The following DCDC2 variants were observed in gnomAD, a reference collection of about 807,000 sequenced individuals.
DCDC2 encodes doublecortin domain-containing protein 2.
Under a neutral mutation model 50.2 loss-of-function variants are expected in DCDC2, and 40 were observed. The observed-to-expected ratio is 0.80, with a 90% CI of 0.62 to 1.04. The LOEUF (loss-of-function observed/expected upper bound fraction) is 1.04, where lower values mean the gene tolerates loss of function less well. Among genes scored for constraint, DCDC2 ranks in the 50% least tolerant of loss-of-function variants. The pLI is 0.00. For synonymous variants in DCDC2, 234 were observed against 210.6 expected, an observed-to-expected ratio of 1.11 and a Z score of -0.96; for missense variants, 570 against 581.9, an observed-to-expected ratio of 0.98 and a Z score of 0.21.
intron 8 of DCDC2, among the ~76,000 whole-genome samples, chr6:24,195,969 A>G (rs1003982952): frequency 6.6e-6 from 1 of 152,174 alleles, no homozygotes; most frequent in African/African-American, 2.4e-5. Context: ...AACTTGGCCA[A>G]TTTGCACAAG....
At chr6:24,325,828 G>T (rs1479443701) in intron 2 of DCDC2, among the ~76,000 whole-genome samples, 1 of 148,952 alleles carries the variant, frequency 6.7e-6, no homozygotes, top group African/African-American at 2.4e-5. Flanking sequence ...AATGAGAAAT[G>T]AGTCACATTT....
At chr6:24,366,849 CT>C in the DCDC2 span, among the ~76,000 whole-genome samples, 33 of 52,756 alleles carry the variant, frequency 6.3e-4, no homozygotes, top group Admixed American at 1.4e-3. Flanking sequence ...AAATCTAAAT[CT>C]TTTTTTTTTT....
At chr6:24,292,295 TTC>T (rs373598768) in intron 4 of DCDC2, among the ~76,000 whole-genome samples, 153 of 152,240 alleles carry the variant, frequency 1.0e-3, no homozygotes, top group African/African-American at 3.4e-3. Flanking sequence ...TCAAAAAGCT[TTC>T]TGTCTTCCTA....
chr6:24,346,687 G>A (rs1334857700), intron 2 of DCDC2, among the ~76,000 whole-genome samples: 1 of 151,380 alleles, frequency 6.6e-6, no homozygotes, highest in Non-Finnish European at 1.5e-5. Flanking sequence ...GCGGGAGGTA[G>A]ATGTTGCAGT....
At chr6:24,183,996 C>T (rs569053950) in intron 8 of DCDC2, among the ~76,000 whole-genome samples, 20 of 152,272 alleles carry the variant, frequency 1.3e-4, no homozygotes, top group Admixed American at 9.1e-4. Flanking sequence ...AAACATCACA[C>T]GCAGCATTTC....
intron 7 of DCDC2, among the ~76,000 whole-genome samples, chr6:24,268,503 C>A (rs1398468650): frequency 6.6e-6 from 1 of 151,948 alleles, no homozygotes; most frequent in Non-Finnish European, 1.5e-5. Flanking sequence ...AACAAACAAA[C>A]ATACAAAAAG....
At chr6:24,227,136 C>T (rs992169782) in intron 7 of DCDC2, among the ~76,000 whole-genome samples, 10 of 152,140 alleles carry the variant, frequency 6.6e-5, no homozygotes, top group African/African-American at 2.4e-4. Flanking sequence ...AAAGGAAGGG[C>T]ATTTGAGAAG....
intron 8 of DCDC2, among the ~76,000 whole-genome samples, chr6:24,190,611 T>C (rs535652623): frequency 1.3e-5 from 2 of 152,358 alleles, no homozygotes; most frequent in African/African-American, 4.8e-5. Context: ...TTCATTTATA[T>C]CAGAAATCCC....
Position 24,180,371 on chromosome 6 carries a change from G to A in DCDC2, c.1024-1739C>T, listed in dbSNP as rs541223308. On this transcript the variant is annotated intron_variant, in intron 8 of 9. Coordinates refer to ENST00000378454, the MANE Select transcript of DCDC2 (RefSeq NM_016356.5). The stretch of plus-strand genomic sequence containing the variant: ...GCGATCTCTGCTCACTGCAAGCCCC[G>A]CTTCCCCGGTTCATGCCATTCTCCT... 2.6e-5 allele frequency among the ~76,000 whole-genome samples: 4 copies of A among 152,014 alleles called. No homozygotes were observed. The East Asian group carries it at 5.8e-4, about 22-fold the overall frequency.
At chr6:24,381,228 T>A in the DCDC2 span, among the ~76,000 whole-genome samples, 1 of 152,330 alleles carries the variant, frequency 6.6e-6, no homozygotes, top group African/African-American at 2.4e-5. Context: ...ATAATTAGCA[T>A]TTGTATGTGT....
chr6:24,337,370 T>C (rs1378370552), intron 2 of DCDC2, among the ~76,000 whole-genome samples: 1 of 152,152 alleles, frequency 6.6e-6, no homozygotes, highest in Non-Finnish European at 1.5e-5. Flanking sequence ...AAGCACTGTA[T>C]TGGAAACATT....
chr6:24,299,683 G>A (rs1397666346), intron 4 of DCDC2, among the ~76,000 whole-genome samples: 2 of 152,116 alleles, frequency 1.3e-5, no homozygotes, highest in Admixed American at 6.5e-5. Context: ...GGAGGCCAAG[G>A]CGGGTGGATT....
rs560024755 is a variant in DCDC2, at chr6:24,319,780, G to A, written c.349-17736C>T. 6.6e-5 allele frequency among the ~76,000 whole-genome samples: 10 copies of A among 152,282 alleles called. No homozygotes were observed. The East Asian group carries it at 1.9e-3, about 29-fold the overall frequency. On this transcript the variant is annotated intron_variant, in intron 2 of 9. Coordinates refer to ENST00000378454, the MANE Select transcript of DCDC2 (RefSeq NM_016356.5). The stretch of plus-strand genomic sequence containing the variant: ...AGTGGTTTCCTACAGAGAATGGACA[G>A]GAAATAAGTAGAAGTAATGGGTAGT...
chr6:24,358,255 G>C (rs1277349), upstream of DCDC2: 217,075 of 224,744 alleles, frequency 0.97, 105,029 homozygotes, highest in East Asian at 1. Context: ...TCTCCTGCTT[G>C]CTCCCAAATT....
intron 7 of DCDC2, among the ~76,000 whole-genome samples, chr6:24,254,495 A>G (rs903841952): frequency 8.5e-5 from 13 of 152,102 alleles, no homozygotes; most frequent in Non-Finnish European, 1.3e-4. Context: ...GGCCATAGAA[A>G]TTTTTCATCT....
chr6:24,253,382 T>C (rs1031744233), intron 7 of DCDC2, among the ~76,000 whole-genome samples: 2 of 152,142 alleles, frequency 1.3e-5, no homozygotes, highest in African/African-American at 2.4e-5. Context: ...AAAATTTAAG[T>C]GAAATGAACT....
At chr6:24,270,892 G>A (rs1264205854) in intron 7 of DCDC2, among the ~76,000 whole-genome samples, 1 of 152,028 alleles carries the variant, frequency 6.6e-6, no homozygotes, top group Non-Finnish European at 1.5e-5. Context: ...TCACCACTGG[G>A]GCGGATGCAT....
chr6:24,341,386 G>A (rs1332063190), intron 2 of DCDC2, among the ~76,000 whole-genome samples: 9 of 152,066 alleles, frequency 5.9e-5, no homozygotes, highest in African/African-American at 2.2e-4. Context: ...TGATCTGGCT[G>A]GCTGCTTATA....
chr6:24,338,706 G>A (rs1760101393), intron 2 of DCDC2, among the ~76,000 whole-genome samples: 1 of 152,164 alleles, frequency 6.6e-6, no homozygotes, highest in Admixed American at 6.5e-5. Context: ...GTGCAATGGT[G>A]TGATCCCAGC....
Sources: allele counts gnomAD v4.1 joint callset (sites outside exome capture counted in the v4.1 genomes callset), GRCh38; gene constraint gnomAD v4.1.1; transcripts MANE v1.5; gene names NCBI Gene and HGNC (gene_info 2026-07-23, HGNC 2026-07-21).